Variants in TMEM132C observed in about 807,000 individuals in gnomAD.
The protein encoded by TMEM132C is protein phosphatase 1, regulatory subunit 152.
In TMEM132C, 29 loss-of-function variants were observed where a neutral mutation model predicts 61.4. The ratio of observed to expected loss-of-function variants is 0.47; its 90% confidence interval spans 0.35 to 0.64. TMEM132C has a LOEUF of 0.64. TMEM132C is among the 30% of genes least tolerant of loss of function. TMEM132C has a pLI of 0.00. For missense variants in TMEM132C, 1,408 were observed against 1,476.9 expected, an observed-to-expected ratio of 0.95 and a Z score of 0.76; for synonymous variants, 656 against 633.1, an observed-to-expected ratio of 1.04 and a Z score of -0.54.
chr12:128,440,928 C>T (rs556721970), intron 2 of TMEM132C, among the ~76,000 whole-genome samples: 2 of 152,062 alleles, frequency 1.3e-5, no homozygotes, highest in East Asian at 3.9e-4. Context: ...GTAGTCTCAG[C>T]TACTTGGGAG....
intron 2 of TMEM132C, among the ~76,000 whole-genome samples, chr12:128,504,290 G>A (rs2136111788): frequency 6.6e-6 from 1 of 152,214 alleles, no homozygotes; most frequent in East Asian, 1.9e-4. Flanking sequence ...TGCTCTTTTG[G>A]CCAAAAGAGT....
chr12:128,382,951 T>C (rs1380779392), intron 1 of TMEM132C, among the ~76,000 whole-genome samples: 3 of 151,352 alleles, frequency 2.0e-5, no homozygotes, highest in South Asian at 4.1e-4. Context: ...TGGGTGTGTG[T>C]GTATGTATGT....
At chr12:128,432,522 C>T (rs994200892) in intron 2 of TMEM132C, among the ~76,000 whole-genome samples, 17 of 152,144 alleles carry the variant, frequency 1.1e-4, no homozygotes, top group African/African-American at 4.1e-4. Context: ...CAAGAATTCA[C>T]TAGAGGAAGT....
chr12:128,554,069 C>T (rs1874258283), intron 3 of TMEM132C, among the ~76,000 whole-genome samples: 1 of 152,252 alleles, frequency 6.6e-6, no homozygotes, highest in South Asian at 2.1e-4. Context: ...CAACCTTACT[C>T]AAGGGATGCA....
intron 2 of TMEM132C, among the ~76,000 whole-genome samples, chr12:128,433,203 A>T (rs75192228): frequency 0.039 from 5,861 of 152,226 alleles, 375 homozygotes; most frequent in African/African-American, 0.13. Context: ...ACAAAAAAAA[A>T]ATGTTTGACT....
chr12:128,474,444 C>G (rs1871089088), intron 2 of TMEM132C, among the ~76,000 whole-genome samples: 1 of 152,116 alleles, frequency 6.6e-6, no homozygotes, highest in Admixed American at 6.5e-5. Flanking sequence ...AACATCACAC[C>G]TAGGGGTGTC....
chr12:128,689,072 C>A (rs1035786115), intron 5 of TMEM132C, among the ~76,000 whole-genome samples: 25 of 152,104 alleles, frequency 1.6e-4, no homozygotes, highest in African/African-American at 6.0e-4. Context: ...CCCGCCTCAG[C>A]CTCCCAAAGT....
chr12:128,595,194 A>G (rs1255173994), intron 3 of TMEM132C, among the ~76,000 whole-genome samples: 2 of 152,144 alleles, frequency 1.3e-5, no homozygotes, highest in Non-Finnish European at 2.9e-5. Context: ...GTCTCTGGAG[A>G]TGGCTCACAG....
intron 3 of TMEM132C, among the ~76,000 whole-genome samples, chr12:128,593,191 A>T: frequency 6.2e-4 from 62 of 100,244 alleles, no homozygotes; most frequent in Admixed American, 1.7e-3. Context: ...CCCCTCTCTC[A>T]CCTTCCTTCT....
chr12:128,528,263 T>C (rs545697042), intron 2 of TMEM132C, among the ~76,000 whole-genome samples: 12 of 152,294 alleles, frequency 7.9e-5, no homozygotes, highest in African/African-American at 2.2e-4. Context: ...CCCTCACGCA[T>C]TGTGGGCTTT....
Position 128,278,195 on chromosome 12 carries a change from C to T in TMEM132C, c.85+10708C>T, listed in dbSNP as rs1298348989. Reference sequence around the variant, plus strand: ...AAAATCTCAGGGGAAGTCTATGTTTCGGGGCATTTGTTCTGCTCCGGCTTT... The same window carrying T: ...AAAATCTCAGGGGAAGTCTATGTTTTGGGGCATTTGTTCTGCTCCGGCTTT... On this transcript the variant is annotated intron_variant, in intron 1 of 8. Transcript: ENST00000435159. The surrounding 1 kb of genome is among the most constrained non-coding windows in gnomAD (Gnocchi z 4.2). Among the ~76,000 whole-genome samples the T allele has an allele frequency of 8.5e-5, 13 of 152,234 alleles. No homozygotes were observed. The highest frequency in any genetic ancestry group is 7.8e-4 in the East Asian group (4 of 5,156).
At chr12:128,608,231 G>A (rs1487110229) in intron 3 of TMEM132C, among the ~76,000 whole-genome samples, 1 of 152,208 alleles carries the variant, frequency 6.6e-6, no homozygotes, top group East Asian at 1.9e-4. Context: ...CACATGTGCT[G>A]TGCCATTTAT....
At chr12:128,336,575 A>G (rs939317740) in intron 1 of TMEM132C, among the ~76,000 whole-genome samples, 1 of 152,156 alleles carries the variant, frequency 6.6e-6, no homozygotes, top group East Asian at 1.9e-4. Context: ...TTTTTTCTCA[A>G]ATACACAGTC....
chr12:128,506,571 T>A (rs1369917558), intron 2 of TMEM132C, among the ~76,000 whole-genome samples: 1 of 152,108 alleles, frequency 6.6e-6, no homozygotes, highest in Non-Finnish European at 1.5e-5. Context: ...AAATTTAAAT[T>A]GGGGTAACAT....
intron 1 of TMEM132C, among the ~76,000 whole-genome samples, chr12:128,356,551 A>T (rs1228951880): frequency 6.6e-6 from 1 of 152,250 alleles, no homozygotes; most frequent in South Asian, 2.1e-4. Flanking sequence ...TTACACCCAG[A>T]TACTAGAGTT....
intron 1 of TMEM132C, among the ~76,000 whole-genome samples, chr12:128,269,027 A>AT (rs370771213): frequency 1.4e-3 from 211 of 151,492 alleles, no homozygotes; most frequent in African/African-American, 4.9e-3. Flanking sequence ...ATTTTATTTG[A>AT]AAGAGTCAAC....
chr12:128,389,083 C>T (rs1304271151), intron 1 of TMEM132C, among the ~76,000 whole-genome samples: 3 of 152,136 alleles, frequency 2.0e-5, no homozygotes, highest in Non-Finnish European at 2.9e-5. Flanking sequence ...GAAATGAGTC[C>T]GGGGTACCCA....
At chr12:128,427,387 G>GGTGTGTGTGTGTGTGTGTGTGT (rs761620460) in intron 2 of TMEM132C, among the ~76,000 whole-genome samples, 5 of 132,362 alleles carry the variant, frequency 3.8e-5, no homozygotes, top group African/African-American at 1.5e-4. Flanking sequence ...CTTCCAAAGG[G>GGTGTGTGTGTGTGTGTGTGTGT]GTGTGTGTGT....
chr12:128,565,585 G>A (rs1874666909), intron 3 of TMEM132C, among the ~76,000 whole-genome samples: 1 of 152,158 alleles, frequency 6.6e-6, no homozygotes, highest in Non-Finnish European at 1.5e-5. Context: ...CATCTCCATG[G>A]ATATCATTTC....
Sources: allele counts gnomAD v4.1 joint callset (sites outside exome capture counted in the v4.1 genomes callset), GRCh38; gene constraint gnomAD v4.1.1; non-coding constraint Gnocchi (gnomAD v3.1); transcripts MANE v1.5; gene names NCBI Gene and HGNC (gene_info 2026-07-23, HGNC 2026-07-21).